Variants in COG5 observed in about 807,000 individuals in gnomAD.
The protein encoded by COG5 is conserved oligomeric Golgi complex subunit 5.
A neutral mutation model predicts 110.4 loss-of-function variants in COG5; 86 were observed. The observed-to-expected ratio is 0.78, with a 90% confidence interval of 0.65 to 0.93. COG5 has a LOEUF of 0.93. COG5 is among the 40% of genes least tolerant of loss of function. The probability of loss-of-function intolerance (pLI) is 0.00; values close to 1 mark genes in which losing one functional copy is unlikely to be tolerated. For missense variants in COG5, 1,077 were observed against 987.0 expected, an observed-to-expected ratio of 1.09 and a Z score of -1.22; for synonymous variants, 360 against 334.6, an observed-to-expected ratio of 1.08 and a Z score of -0.83.
At chr7:107,203,754 A>G (rs1307652198) in intron 21 of COG5, 124 bp from the exon 22 acceptor site, 4 of 689,478 alleles carry the variant, frequency 5.8e-6, no homozygotes, top group African/African-American at 1.8e-5. Flanking sequence ...TCGGTTTCAC[A>G]AGCCAAGTGA....
At chr7:107,263,981 TAAG>T (rs1211968019) in intron 14 of COG5, among the ~76,000 whole-genome samples, 1 of 152,216 alleles carries the variant, frequency 6.6e-6, no homozygotes, top group East Asian at 1.9e-4. Context: ...TAAGAAAATC[TAAG>T]AATTATTTGT....
At chr7:107,322,093 C>T (rs1391837527) in intron 11 of COG5, among the ~76,000 whole-genome samples, 1 of 152,168 alleles carries the variant, frequency 6.6e-6, no homozygotes, top group African/African-American at 2.4e-5. Context: ...CAGATGGCAT[C>T]TAAGCCTGTG....
At chr7:107,284,821 T>G (rs1040502059) in intron 12 of COG5, among the ~76,000 whole-genome samples, 2 of 152,260 alleles carry the variant, frequency 1.3e-5, no homozygotes, top group Non-Finnish European at 2.9e-5. Context: ...TTAATTGTCT[T>G]CTCACATCAT....
chr7:107,359,859 C>G (rs534588455), intron 10 of COG5, among the ~76,000 whole-genome samples: 6 of 151,232 alleles, frequency 4.0e-5, no homozygotes, highest in African/African-American at 1.2e-4. Context: ...GCAGATGGGA[C>G]CTACCCACTC....
chr7:107,287,543 T>C (rs1182797105), intron 12 of COG5, among the ~76,000 whole-genome samples: 2 of 152,222 alleles, frequency 1.3e-5, no homozygotes, highest in Non-Finnish European at 2.9e-5. Flanking sequence ...ATGAATTTTG[T>C]ATATTCAGAG....
intron 7 of COG5, among the ~76,000 whole-genome samples, chr7:107,382,780 T>G (rs1454175710): frequency 6.6e-6 from 1 of 152,204 alleles, no homozygotes; most frequent in African/African-American, 2.4e-5. Flanking sequence ...TGGTGATTTT[T>G]TAACAAACAT....
intron 7 of COG5, among the ~76,000 whole-genome samples, chr7:107,403,795 C>T (rs1018538651): frequency 1.4e-4 from 22 of 152,034 alleles, no homozygotes; most frequent in African/African-American, 4.6e-4. Flanking sequence ...ATAATTTTGG[C>T]GGTTAGGATT....
intron 6 of COG5, among the ~76,000 whole-genome samples, chr7:107,520,141 T>C (rs1334949317): frequency 1.3e-5 from 2 of 152,178 alleles, no homozygotes; most frequent in Admixed American, 1.3e-4. Flanking sequence ...TGATGGAACA[T>C]ATCTCAAAAT....
intron 14 of COG5, among the ~76,000 whole-genome samples, chr7:107,273,822 T>G (rs1252892171): frequency 3.9e-5 from 6 of 151,912 alleles, no homozygotes; most frequent in East Asian, 1.9e-4. Flanking sequence ...GAAAAAAAAT[T>G]TTTAAATGAG....
intron 6 of COG5, among the ~76,000 whole-genome samples, chr7:107,429,989 T>G (rs1426304134): frequency 1.3e-5 from 2 of 152,204 alleles, no homozygotes; most frequent in Non-Finnish European, 2.9e-5. Flanking sequence ...GGGTCCTTTA[T>G]ATATTTTGTA....
intron 6 of COG5, among the ~76,000 whole-genome samples, chr7:107,514,047 A>G (rs1193948013): frequency 1.3e-5 from 2 of 149,068 alleles, no homozygotes; most frequent in Non-Finnish European, 3.0e-5. Flanking sequence ...TTAAAGTATA[A>G]TAATAATAAA....
chr7:107,486,710 A>T (rs1797677170), intron 6 of COG5, among the ~76,000 whole-genome samples: 1 of 152,248 alleles, frequency 6.6e-6, no homozygotes, highest in Admixed American at 6.5e-5. Flanking sequence ...GAAAGTCCAT[A>T]CAAGACTCAA....
At chr7:107,344,775 C>A (rs182763148) in intron 10 of COG5, among the ~76,000 whole-genome samples, 2 of 152,182 alleles carry the variant, frequency 1.3e-5, no homozygotes, top group African/African-American at 4.8e-5. Context: ...TCACCCACCT[C>A]GGCCTCCCAA....
At chr7:107,353,790 T>C (rs1287933031) in intron 10 of COG5, among the ~76,000 whole-genome samples, 1 of 152,060 alleles carries the variant, frequency 6.6e-6, no homozygotes, top group Non-Finnish European at 1.5e-5. Context: ...TTCTGATATA[T>C]CCTTTATACC....
At chr7:107,467,572 G>C (rs1023832254) in intron 6 of COG5, among the ~76,000 whole-genome samples, 8 of 151,988 alleles carry the variant, frequency 5.3e-5, no homozygotes, top group African/African-American at 1.9e-4. Flanking sequence ...GACTGGTCTC[G>C]AACTCCTGAC....
intron 8 of COG5, among the ~76,000 whole-genome samples, chr7:107,371,435 A>T (rs1814155478): frequency 6.6e-6 from 1 of 152,124 alleles, no homozygotes; most frequent in Non-Finnish European, 1.5e-5. Context: ...ATTTTTTTAA[A>T]TAAAAAATTA....
chr7:107,412,677 A>T, intron 6 of COG5, 45 bp from the exon 7 acceptor site: 1 of 1,195,020 alleles, frequency 8.4e-7, no homozygotes, highest in Non-Finnish European at 1.2e-6. Flanking sequence ...TCAATACTGA[A>T]TAAATATCAA....
chr7:107,437,020 T>G (rs898210558), intron 6 of COG5, among the ~76,000 whole-genome samples: 1 of 152,166 alleles, frequency 6.6e-6, no homozygotes, highest in African/African-American at 2.4e-5. Context: ...ATTGACCAAG[T>G]CAAAAATCAG....
At chr7:107,377,460 C>A (rs771311911) in intron 7 of COG5, among the ~76,000 whole-genome samples, 6 of 151,940 alleles carry the variant, frequency 3.9e-5, no homozygotes, top group South Asian at 4.2e-4. Context: ...TCTTTTTTCC[C>A]TTCTCCTCAT....
Sources: allele counts gnomAD v4.1 joint callset (sites outside exome capture counted in the v4.1 genomes callset), GRCh38; gene constraint gnomAD v4.1.1; transcripts MANE v1.5; gene names NCBI Gene and HGNC (gene_info 2026-07-23, HGNC 2026-07-21).